The following NPAS2 variants were observed in gnomAD, a reference collection of about 807,000 sequenced individuals.
The protein encoded by NPAS2 is neuronal PAS domain protein 2.
Under a neutral mutation model 107.5 loss-of-function variants are expected in NPAS2, and 23 were observed. The observed-to-expected ratio is 0.21, with a 90% CI of 0.15 to 0.30. The LOEUF is 0.30. Among genes scored for constraint, NPAS2 ranks in the 10% least tolerant of loss-of-function variants. The pLI, the probability that NPAS2 is intolerant of heterozygous loss-of-function variation, is 1.00. For missense variants in NPAS2, 756 were observed against 1,043.3 expected (o/e 0.72, Z 3.79); for synonymous variants, 403 against 417.5 (o/e 0.97, Z 0.42).
chr2:100,837,126 G>A (rs1198905920), intron 1 of NPAS2, among the ~76,000 whole-genome samples: 1 of 152,082 alleles, frequency 6.6e-6, no homozygotes, highest in Admixed American at 6.6e-5. Flanking sequence ...AGTATCCCAA[G>A]GAGATTTTCT....
upstream of NPAS2, among the ~76,000 whole-genome samples, chr2:100,819,587 C>A (rs1181466669): frequency 6.6e-6 from 1 of 152,182 alleles, no homozygotes; most frequent in African/African-American, 2.4e-5. The surrounding 1 kb of genome is among the most constrained non-coding windows in gnomAD (Gnocchi z 5.8). Flanking sequence ...CCCTGGAGGA[C>A]AGTGTGGAGG....
At chr2:100,856,211 AAGTC>A (rs923825112) in intron 1 of NPAS2, among the ~76,000 whole-genome samples, 1 of 152,242 alleles carries the variant, frequency 6.6e-6, no homozygotes, top group African/African-American at 2.4e-5. Flanking sequence ...TGCCCAGTAA[AAGTC>A]AGACAAGACC....
chr2:100,929,939 G>C (rs17717402), intron 3 of NPAS2, among the ~76,000 whole-genome samples: 18,167 of 152,212 alleles, frequency 0.12, 1,237 homozygotes, highest in South Asian at 0.17. Flanking sequence ...TATTTTCTCA[G>C]CTTCGGAAAT....
chr2:100,930,483 A>G (rs1406959370), intron 3 of NPAS2, among the ~76,000 whole-genome samples: 1 of 152,178 alleles, frequency 6.6e-6, no homozygotes, highest in African/African-American at 2.4e-5. Context: ...GTTGGCTCTT[A>G]ATCACAATGT....
chr2:100,857,697 G>T (rs1170880149), intron 1 of NPAS2, among the ~76,000 whole-genome samples: 5 of 152,206 alleles, frequency 3.3e-5, no homozygotes, highest in Non-Finnish European at 7.3e-5. Flanking sequence ...TGTTAACCTG[G>T]GCTGCATGAC....
At chr2:100,904,028 T>C (rs13386116) in intron 1 of NPAS2, among the ~76,000 whole-genome samples, 10,682 of 152,158 alleles carry the variant, frequency 0.07, 818 homozygotes, top group African/African-American at 0.19. Flanking sequence ...ATCTTTCACA[T>C]CTGTGCACCT....
At chr2:100,928,560 G>T (rs903225595) in intron 3 of NPAS2, among the ~76,000 whole-genome samples, 1 of 152,056 alleles carries the variant, frequency 6.6e-6, no homozygotes, top group Non-Finnish European at 1.5e-5. Context: ...GCTTCAGCTC[G>T]CCTTTTTCAT....
chr2:100,959,682 A>G (rs1207058346), intron 7 of NPAS2, among the ~76,000 whole-genome samples: 1 of 152,210 alleles, frequency 6.6e-6, no homozygotes, highest in Non-Finnish European at 1.5e-5. Flanking sequence ...AAACCTCATC[A>G]CTGATAGTTT....
At chr2:100,913,648 T>C (rs1283557256) in intron 2 of NPAS2, among the ~76,000 whole-genome samples, 1 of 152,178 alleles carries the variant, frequency 6.6e-6, no homozygotes, top group East Asian at 1.9e-4. Context: ...CCCTCTTTTC[T>C]CTTTTTACTG....
intron 1 of NPAS2, among the ~76,000 whole-genome samples, chr2:100,889,984 G>C (rs1361819562): frequency 6.6e-6 from 1 of 152,146 alleles, no homozygotes; most frequent in Non-Finnish European, 1.5e-5. Context: ...GATATGTAGA[G>C]CAACTAGAAG....
intron 1 of NPAS2, among the ~76,000 whole-genome samples, chr2:100,877,328 G>A (rs576400505): frequency 6.6e-6 from 1 of 152,064 alleles, no homozygotes; most frequent in East Asian, 1.9e-4. Flanking sequence ...AGCCAGGCGT[G>A]GTGGCAGGTG....
intron 1 of NPAS2, chr2:100,821,198 A>G: frequency 3.8e-6 from 5 of 1,302,888 alleles, no homozygotes; most frequent in Non-Finnish European, 5.1e-6. Context: ...TAATTGCTCA[A>G]GGTAAGAAAG....
intron 2 of NPAS2, among the ~76,000 whole-genome samples, chr2:100,911,082 G>A (rs1682518844): frequency 6.6e-6 from 1 of 152,208 alleles, no homozygotes; most frequent in African/African-American, 2.4e-5. Context: ...ATTGCGGACT[G>A]TATGTTTACT....
chr2:100,937,938 G>A lies in NPAS2; in HGVS notation c.363+96G>A, dbSNP rs552536227. 4.0e-5 allele frequency: 40 copies of A among 1,003,694 alleles called. No homozygotes were observed. In the African/African-American group the frequency reaches 4.7e-4, roughly 12 times the overall value. The allele number at this position is 1,003,694 out of a possible 1,614,324, so 62.2% of individuals were successfully genotyped here. On this transcript the variant is annotated intron_variant, in intron 5 of 20. Coordinates refer to ENST00000335681, the MANE Select transcript of NPAS2 (RefSeq NM_002518.4). ...GATGGAAGGTGGTGCAGGTGTCAGGGGGCTGCAGGTGAGAAGAGGGCGGAG... is the reference window on the plus strand; with the variant it reads ...GATGGAAGGTGGTGCAGGTGTCAGGAGGCTGCAGGTGAGAAGAGGGCGGAG...
intron 1 of NPAS2, among the ~76,000 whole-genome samples, chr2:100,876,915 C>T (rs1011148114): frequency 4.6e-5 from 7 of 152,166 alleles, no homozygotes; most frequent in African/African-American, 1.7e-4. Context: ...CCAGGAGATG[C>T]AGGTGACTCC....
chr2:100,828,821 G>C (rs1309264433), intron 1 of NPAS2, among the ~76,000 whole-genome samples: 1 of 152,090 alleles, frequency 6.6e-6, no homozygotes, highest in African/African-American at 2.4e-5. Flanking sequence ...GTTAGAAGTT[G>C]GGTAATATGA....
At chr2:100,975,145 C>T (rs1441988132) in intron 13 of NPAS2, 2 of 610,222 alleles carry the variant, frequency 3.3e-6, no homozygotes, top group Admixed American at 6.0e-5. Flanking sequence ...CATTCATTGC[C>T]AAGCAAAGAC....
chr2:100,821,896 C>T (rs573372786), intron 1 of NPAS2, among the ~76,000 whole-genome samples: 10 of 152,296 alleles, frequency 6.6e-5, no homozygotes, highest in Middle Eastern at 3.4e-3. Flanking sequence ...TTCATTACAG[C>T]GCTAAACCAG....
intron 1 of NPAS2, among the ~76,000 whole-genome samples, chr2:100,840,438 C>T (rs1313518553): frequency 6.6e-6 from 1 of 152,136 alleles, no homozygotes; most frequent in African/African-American, 2.4e-5. Flanking sequence ...AGCCTCTGCT[C>T]ATTTGAATGG....
Sources: allele counts gnomAD v4.1 joint callset (sites outside exome capture counted in the v4.1 genomes callset), GRCh38; gene constraint gnomAD v4.1.1; non-coding constraint Gnocchi (gnomAD v3.1); transcripts MANE v1.5; gene names NCBI Gene and HGNC (gene_info 2026-07-23, HGNC 2026-07-21).